Variants in CPA6 observed in about 807,000 individuals in gnomAD.
CPA6 encodes carboxypeptidase B.
In CPA6, 58 loss-of-function variants were observed where a neutral mutation model predicts 63.3. The ratio of observed to expected loss-of-function variants is 0.92; its 90% confidence interval spans 0.74 to 1.14. CPA6 has a LOEUF of 1.14. Among genes scored for constraint, CPA6 ranks in the 50% most tolerant of loss-of-function variants. The pLI, the probability that CPA6 is intolerant of heterozygous loss-of-function variation, is 0.00. For synonymous variants in CPA6, 185 were observed against 179.0 expected (o/e 1.03, Z -0.27); for missense variants, 565 against 526.6 (o/e 1.07, Z -0.71).
In CPA6 at chr8:67,468,534, C is replaced by T. The variant is rs976878603; in HGVS notation, c.838+15234G>A. 5.3e-5 allele frequency among the ~76,000 whole-genome samples: 8 copies of T among 150,632 alleles called. 1 individual carries two copies. In the South Asian group the frequency reaches 8.4e-4, roughly 16 times the overall value. On this transcript the variant is annotated intron_variant, in intron 8 of 10. Coordinates refer to ENST00000297770, the MANE Select transcript of CPA6 (RefSeq NM_020361.5). ...CTGGGAGGTGAAAGTTGCAGTGATCCGAGATCGCGTCATTGCACCTGGGCG... is the reference window on the plus strand; with the variant it reads ...CTGGGAGGTGAAAGTTGCAGTGATCTGAGATCGCGTCATTGCACCTGGGCG...
At chr8:67,473,636 A>G (rs781384677) in intron 8 of CPA6, among the ~76,000 whole-genome samples, 4 of 152,006 alleles carry the variant, frequency 2.6e-5, no homozygotes, top group Non-Finnish European at 4.4e-5. Context: ...ACAAGGTCTC[A>G]CTCTGTCACC....
At chr8:67,453,063 A>G (rs150858469) in intron 8 of CPA6, among the ~76,000 whole-genome samples, 110 of 152,220 alleles carry the variant, frequency 7.2e-4, no homozygotes, top group Non-Finnish European at 1.2e-3. Context: ...CATCTGACTT[A>G]TATTTTAAAA....
intron 6 of CPA6, among the ~76,000 whole-genome samples, chr8:67,489,953 T>C (rs780937668): frequency 5.9e-5 from 9 of 152,208 alleles, no homozygotes; most frequent in Non-Finnish European, 1.3e-4. Context: ...TTCCAAGACT[T>C]GTCAGAACGT....
rs1187925652 is a variant in CPA6 at position 67,555,778 on chromosome 8, G to A, written c.193-37731C>T. On this transcript the variant is annotated intron_variant, in intron 2 of 10. Coordinates refer to ENST00000297770, the MANE Select transcript of CPA6 (RefSeq NM_020361.5). ...GTTAGTGTCAGGATTGAATTGGATT[G>A]TTGGACAAGCAGCTGGTGTTAGAGA... 2.0e-5 allele frequency among the ~76,000 whole-genome samples: 3 copies of A among 152,202 alleles called. No individual in the cohort carries two copies. The East Asian group carries it at 5.8e-4, about 29-fold the overall frequency.
intron 8 of CPA6, among the ~76,000 whole-genome samples, chr8:67,461,137 T>C (rs1810792884): frequency 1.4e-5 from 2 of 145,450 alleles, no homozygotes; most frequent in Non-Finnish European, 3.0e-5. Context: ...CGTAGGACAA[T>C]AGTGGAGGGA....
chr8:67,576,963 A>C (rs1006658414), intron 2 of CPA6, among the ~76,000 whole-genome samples: 8 of 151,830 alleles, frequency 5.3e-5, no homozygotes, highest in Admixed American at 4.6e-4. Context: ...TCCGGGGTTC[A>C]AGCGATTCTC....
At chr8:67,448,091 C>A (rs1465396747) in intron 8 of CPA6, among the ~76,000 whole-genome samples, 1 of 152,172 alleles carries the variant, frequency 6.6e-6, no homozygotes, top group Non-Finnish European at 1.5e-5. Flanking sequence ...GGCCAATTGG[C>A]CTTCCTTACT....
chr8:67,575,955 A>C (rs1813614575), intron 2 of CPA6, among the ~76,000 whole-genome samples: 1 of 152,186 alleles, frequency 6.6e-6, no homozygotes, highest in Non-Finnish European at 1.5e-5. Context: ...CAAATAATAC[A>C]TGTTCTCACT....
At chr8:67,734,346 A>G (rs567852590) in intron 1 of CPA6, among the ~76,000 whole-genome samples, 145 of 125,538 alleles carry the variant, frequency 1.2e-3, no homozygotes, top group East Asian at 5.0e-3. Context: ...GGCCCCATGG[A>G]AAAAAAAAAA....
chr8:67,647,335 C>CTT lies in CPA6; in HGVS notation c.117-23086_117-23085dup, dbSNP rs74274955. On this transcript the variant is annotated intron_variant, in intron 1 of 10. Coordinates refer to ENST00000297770, the MANE Select transcript of CPA6 (RefSeq NM_020361.5). ...TGCTATTAGACAATGATAGGATAAT[C>CTT]TTTTTTTTTTTTTTAAATTATTGAG... Among the ~76,000 whole-genome samples, 114 of 145,240 alleles carry CTT rather than the reference C, an allele frequency of 7.8e-4. No homozygotes were observed. The East Asian group carries it at 0.015, about 19-fold the overall frequency.
intron 8 of CPA6, among the ~76,000 whole-genome samples, chr8:67,461,660 TC>T (rs1002120953): frequency 6.6e-6 from 1 of 151,800 alleles, no homozygotes; most frequent in Admixed American, 6.6e-5. Context: ...GCCCCTCACC[TC>T]CCGGACGGGG....
At chr8:67,513,712 T>A (rs1587509407) in intron 3 of CPA6, among the ~76,000 whole-genome samples, 1 of 152,138 alleles carries the variant, frequency 6.6e-6, no homozygotes, top group Admixed American at 6.6e-5. Flanking sequence ...TCAAGTCCCA[T>A]CTTCCTTGTT....
At chr8:67,649,607 C>T (rs572182421) in intron 1 of CPA6, among the ~76,000 whole-genome samples, 4 of 152,236 alleles carry the variant, frequency 2.6e-5, no homozygotes, top group African/African-American at 7.2e-5. Context: ...TTTGTATATA[C>T]ACAAGAGCAT....
In CPA6 at chr8:67,624,872, G is replaced by A. The variant is rs113818164; in HGVS notation, c.117-621C>T. ...AAATTAAAAATCAATGTTTACAACTGTTACCAAAACACCAGGGGTTTGGTC... is the reference window on the plus strand; with the variant it reads ...AAATTAAAAATCAATGTTTACAACTATTACCAAAACACCAGGGGTTTGGTC... On this transcript the variant is annotated intron_variant, in intron 1 of 10. Coordinates refer to ENST00000297770, the MANE Select transcript of CPA6 (RefSeq NM_020361.5). Among the ~76,000 whole-genome samples, 872 of 152,220 alleles carry A rather than the reference G, an allele frequency of 5.7e-3. 10 individuals are homozygous for A. Among genetic ancestry groups the A allele is most frequent in the African/African-American group, 0.02 (817 of 41,536 alleles).
chr8:67,641,504 G>A lies in CPA6; in HGVS notation c.117-17253C>T, dbSNP rs1276054452. On this transcript the variant is annotated intron_variant, in intron 1 of 10. Coordinates refer to ENST00000297770, the MANE Select transcript of CPA6 (RefSeq NM_020361.5). ...TAGATGTACCCAGACAAGGATTAGT[G>A]AACCAGAAAGTATAGCTTTAAAAAT... 3.9e-5 allele frequency among the ~76,000 whole-genome samples: 6 copies of A among 152,338 alleles called. No homozygotes were observed. The East Asian group carries it at 7.7e-4, about 20-fold the overall frequency.
At chr8:67,677,885 A>G (rs1045285404) in intron 1 of CPA6, among the ~76,000 whole-genome samples, 2 of 152,136 alleles carry the variant, frequency 1.3e-5, no homozygotes, top group Non-Finnish European at 2.9e-5. Flanking sequence ...CTTAAAAAAA[A>G]AAAAGAATAT....
chr8:67,546,297 C>T (rs1490315565), intron 2 of CPA6, among the ~76,000 whole-genome samples: 3 of 152,152 alleles, frequency 2.0e-5, no homozygotes, highest in Non-Finnish European at 1.5e-5. Flanking sequence ...AATTATTGCT[C>T]AGTGAGTTTT....
intron 8 of CPA6, among the ~76,000 whole-genome samples, chr8:67,476,044 T>G (rs1371450302): frequency 6.6e-6 from 1 of 150,630 alleles, no homozygotes; most frequent in African/African-American, 2.5e-5. Flanking sequence ...ATACAGAGTC[T>G]TGCTCTGTTG....
rs185428719 is a variant in CPA6 at position 67,632,908 on chromosome 8, A to G, written c.117-8657T>C. 1.7e-3 allele frequency among the ~76,000 whole-genome samples: 256 copies of G among 152,366 alleles called. 1 individual carries two copies. Among genetic ancestry groups the G allele is most frequent in the Middle Eastern group, 6.8e-3 (2 of 294 alleles). ...TATTTGAAAAGAATATCTTTCGTAT[A>G]TAAAAAGGTCTATATATACCTATTA... On this transcript the variant is annotated intron_variant, in intron 1 of 10. Coordinates refer to ENST00000297770, the MANE Select transcript of CPA6 (RefSeq NM_020361.5).
Sources: allele counts gnomAD v4.1 joint callset (sites outside exome capture counted in the v4.1 genomes callset), GRCh38; gene constraint gnomAD v4.1.1; transcripts MANE v1.5; gene names NCBI Gene and HGNC (gene_info 2026-07-23, HGNC 2026-07-21).